TRIM71: variants seen among roughly 807,000 people sequenced by gnomAD.
TRIM71 encodes the protein E3 ubiquitin-protein ligase TRIM71.
In TRIM71, 9 loss-of-function variants were observed where a neutral mutation model predicts 61.2. The observed-to-expected ratio is 0.15, with a 90% CI of 0.09 to 0.26. The LOEUF is 0.26. Ranked by LOEUF, TRIM71 falls within the 10% of genes least tolerant of loss-of-function variation. TRIM71 has a pLI of 1.00. For synonymous variants in TRIM71, 645 were observed against 553.2 expected, an observed-to-expected ratio of 1.17 and a Z score of -2.33; for missense variants, 998 against 1,238.7, an observed-to-expected ratio of 0.81 and a Z score of 2.92.
At chr3:32,849,726 C>T (rs1696517024) in intron 1 of TRIM71, among the ~76,000 whole-genome samples, 1 of 152,220 alleles carries the variant, frequency 6.6e-6, no homozygotes, top group South Asian at 2.1e-4. Flanking sequence ...CCTCCTTCCC[C>T]TTCCACTTTT....
At chr3:32,849,631 T>A (rs1696515983) in intron 1 of TRIM71, among the ~76,000 whole-genome samples, 1 of 151,604 alleles carries the variant, frequency 6.6e-6, no homozygotes, top group Admixed American at 6.6e-5. Flanking sequence ...AGTGCTGGGA[T>A]TTACAGGCGT....
chr3:32,850,804 T>C (rs1049665230), intron 1 of TRIM71, among the ~76,000 whole-genome samples: 77 of 152,296 alleles, frequency 5.1e-4, no homozygotes, highest in African/African-American at 1.7e-3. Context: ...CCTGTTTCTC[T>C]TGTGGGATTA....
rs1430020635 is a variant in TRIM71, at chr3:32,850,673, C to A, written c.853-23145C>A. Reference sequence around the variant, plus strand: ...AGGAAGACTAGCTTGTGTAGATGAACATTCTTTGAATTTTAAGCTGAAATA... The same window carrying A: ...AGGAAGACTAGCTTGTGTAGATGAAAATTCTTTGAATTTTAAGCTGAAATA... On this transcript the variant is annotated intron_variant, in intron 1 of 3. Coordinates refer to ENST00000383763, the MANE Select transcript of TRIM71 (RefSeq NM_001039111.3). 2.0e-5 allele frequency among the ~76,000 whole-genome samples: 3 copies of A among 151,896 alleles called. No homozygotes were observed. The East Asian group carries it at 5.8e-4, about 29-fold the overall frequency.
chr3:32,844,095 G>GCGT (rs1211946499), intron 1 of TRIM71, among the ~76,000 whole-genome samples: 5 of 152,208 alleles, frequency 3.3e-5, no homozygotes, highest in African/African-American at 1.2e-4. Context: ...ATGCTTTCTC[G>GCGT]CGTCGTCGTT....
chr3:32,855,745 G>A (rs931441220), intron 1 of TRIM71, among the ~76,000 whole-genome samples: 1 of 152,136 alleles, frequency 6.6e-6, no homozygotes, highest in African/African-American at 2.4e-5. Flanking sequence ...AGAGACCCCA[G>A]TATAAGCTGA....
chr3:32,886,564 C>G (rs571882375), intron 3 of TRIM71, among the ~76,000 whole-genome samples: 12 of 152,300 alleles, frequency 7.9e-5, no homozygotes, highest in African/African-American at 2.2e-4. Flanking sequence ...GCTAGAAAGA[C>G]TACTTGCCCC....
rs1428076669 is a variant in TRIM71 at position 32,818,847 on chromosome 3, T to A, written c.767T>A (p.Leu256His). Reference protein sequence around the residue: ...GAAAAAQQLGLGPPFPGPPFS... With the variant: ...GAAAAAQQLGHGPPFPGPPFS... Reference sequence around the variant, plus strand: ...GCAGCAGCGGCGCAGCAGCTCGGGCTCGGGCCGCCCTTTCCCGGCCCGCCC... The same window carrying A: ...GCAGCAGCGGCGCAGCAGCTCGGGCACGGGCCGCCCTTTCCCGGCCCGCCC... Residue 256 changes from leucine to histidine, a missense_variant, in exon 1 of 4, where the codon CTC (leucine) becomes CAC (histidine). Leu to His is a moderately conservative substitution (Grantham distance 99). This residue lies in a region of TRIM71 where 527 missense variants were observed against 427.8 expected (regional missense o/e 1.23). Coordinates refer to ENST00000383763, the MANE Select transcript of TRIM71 (RefSeq NM_001039111.3). 17 of 1,612,122 alleles carry A rather than the reference T, an allele frequency of 1.1e-5. No homozygotes were observed. The highest frequency in any genetic ancestry group is 1.4e-5 in the Non-Finnish European group (17 of 1,179,690).
chr3:32,838,829 C>A (rs1438634488), intron 1 of TRIM71, among the ~76,000 whole-genome samples: 3 of 151,524 alleles, frequency 2.0e-5, no homozygotes, highest in African/African-American at 7.3e-5. Context: ...GAGACGAGGT[C>A]TCGCTCTGTC....
intron 1 of TRIM71, among the ~76,000 whole-genome samples, chr3:32,822,054 G>T (rs1187613340): frequency 6.6e-6 from 1 of 152,162 alleles, no homozygotes; most frequent in Non-Finnish European, 1.5e-5. Context: ...CATAGAACGT[G>T]AGCCCTTTGC....
At chr3:32,857,205 T>C (rs1171422898) in intron 1 of TRIM71, among the ~76,000 whole-genome samples, 1 of 152,246 alleles carries the variant, frequency 6.6e-6, no homozygotes, top group Non-Finnish European at 1.5e-5. Flanking sequence ...CTCTGCACTT[T>C]GGTCAGGAAT....
rs1031214106 is a variant in TRIM71, at chr3:32,897,218, TGGG to T, written c.*5410_*5412del. The T allele has an allele frequency of 2.0e-5, 3 of 151,904 alleles. No individual in the cohort carries two copies. The highest frequency in any genetic ancestry group is 7.3e-5 in the African/African-American group (3 of 41,346). The allele number at this position is 151,904 out of a possible 1,614,324, so 9.4% of individuals were successfully genotyped here. A position where few individuals can be genotyped will look rare whatever the true frequency, so the allele number is the denominator to read the frequency against. On this transcript the variant is annotated 3_prime_UTR_variant, in exon 4 of 4. Coordinates refer to ENST00000383763, the MANE Select transcript of TRIM71 (RefSeq NM_001039111.3). ...TCTTTTTTTTTTTTAAATAAACAAT[TGGG>T]GGAATTAATGTGGGCAAGTTGCCTT...
intron 1 of TRIM71, among the ~76,000 whole-genome samples, chr3:32,831,570 G>T (rs964427743): frequency 1.4e-4 from 17 of 125,396 alleles, no homozygotes; most frequent in African/African-American, 4.3e-4. Flanking sequence ...ACAGAGTCTC[G>T]CTGGGATGCC....
chr3:32,891,908 A>C lies in TRIM71; in HGVS notation c.*97A>C. ...TCTCTCTTTTTGAATTTCAAAGAAG[A>C]AACAGTCTCAGGGAAATTTCTTTTT... On this transcript the variant is annotated 3_prime_UTR_variant, in exon 4 of 4. Coordinates refer to ENST00000383763, the MANE Select transcript of TRIM71 (RefSeq NM_001039111.3). This position sits in a 1 kb window ranked among gnomAD's most constrained non-coding sequence, Gnocchi z 8.2. 6.7e-7 allele frequency: 1 copy of C among 1,488,342 alleles called. No individual in the cohort carries two copies. Among genetic ancestry groups the C allele is most frequent in the Non-Finnish European group, 8.9e-7 (1 of 1,124,680 alleles). The allele number at this position is 1,488,342 out of a possible 1,614,324, so 92.2% of individuals were successfully genotyped here.
chr3:32,876,519 G>T (rs1411887943), intron 2 of TRIM71, among the ~76,000 whole-genome samples: 1 of 152,200 alleles, frequency 6.6e-6, no homozygotes, highest in Non-Finnish European at 1.5e-5. Flanking sequence ...AGGAGGCAGA[G>T]GTTGCAGTGA....
intron 1 of TRIM71, among the ~76,000 whole-genome samples, chr3:32,835,426 G>C (rs1696323670): frequency 6.6e-6 from 1 of 152,282 alleles, no homozygotes; most frequent in African/African-American, 2.4e-5. Flanking sequence ...AGAGGAACCC[G>C]GATCAATGAA....
chr3:32,847,963 C>T (rs1327480195), intron 1 of TRIM71, among the ~76,000 whole-genome samples: 1 of 152,150 alleles, frequency 6.6e-6, no homozygotes. Flanking sequence ...CATAACCAAT[C>T]TAGAAATGAT....
Position 32,891,196 on chromosome 3 carries a change from A to G in TRIM71, c.1992A>G (p.Ser664=), listed in dbSNP as rs762966240. ...CAGCCGGCGTGGCCTGTGACGCCTCACGCAGGATCGTGGTGGCTGACAAGG... is the reference window on the plus strand; with the variant it reads ...CAGCCGGCGTGGCCTGTGACGCCTCGCGCAGGATCGTGGTGGCTGACAAGG... ...DRPAGVACDA[S]RRIVVADKDN... Residue 664 remains serine (S), a synonymous_variant, in exon 4 of 4, where the codon TCA becomes TCG. Transcript: ENST00000383763. The surrounding 1 kb of genome is among the most constrained non-coding windows in gnomAD (Gnocchi z 8.2). 1.2e-6 allele frequency: 2 copies of G among 1,613,480 alleles called. No homozygotes were observed. Among genetic ancestry groups the G allele is most frequent in the Non-Finnish European group, 1.7e-6 (2 of 1,179,860 alleles).
At chr3:32,877,105 A>ACTTGTGTGTGTTTAGCATC (rs1005059414) in intron 2 of TRIM71, among the ~76,000 whole-genome samples, 2 of 152,002 alleles carry the variant, frequency 1.3e-5, no homozygotes, top group African/African-American at 2.4e-5. Context: ...TTTAACCATA[A>ACTTGTGTGTGTTTAGCATC]CTTGTGTGTG....
intron 1 of TRIM71, among the ~76,000 whole-genome samples, chr3:32,869,310 A>G (rs1211700222): frequency 6.6e-6 from 1 of 152,238 alleles, no homozygotes; most frequent in African/African-American, 2.4e-5. Context: ...AAGGGATACC[A>G]AACTAATCTT....
Sources: allele counts gnomAD v4.1 joint callset (sites outside exome capture counted in the v4.1 genomes callset), GRCh38; gene constraint gnomAD v4.1.1; regional missense constraint gnomAD v4.1.1; non-coding constraint Gnocchi (gnomAD v3.1); transcripts MANE v1.5; gene names NCBI Gene and HGNC (gene_info 2026-07-23, HGNC 2026-07-21).